The following GCLM variants were observed in gnomAD, a reference collection of about 807,000 sequenced individuals.
GCLM encodes glutamate--cysteine ligase regulatory subunit.
A neutral mutation model predicts 36.0 loss-of-function variants in GCLM; 15 were observed. The ratio of observed to expected loss-of-function variants is 0.42; its 90% CI spans 0.28 to 0.64. The LOEUF (loss-of-function observed/expected upper bound fraction) is 0.64. GCLM is among the 30% of genes least tolerant of loss of function. The pLI is 0.25. For synonymous variants in GCLM, 129 were observed against 122.8 expected (o/e 1.05, Z -0.34); for missense variants, 242 against 325.5 (o/e 0.74, Z 1.97).
At chr1:93,896,357 T>A (rs527366545) in intron 5 of GCLM, among the ~76,000 whole-genome samples, 4 of 152,314 alleles carry the variant, frequency 2.6e-5, no homozygotes, top group East Asian at 3.9e-4. Context: ...AACACACATC[T>A]TCTAGTATTT....
intron 3 of GCLM, 28 bp from the exon 4 acceptor site, chr1:93,897,926 T>G: frequency 7.5e-7 from 1 of 1,333,822 alleles, no homozygotes; most frequent in African/African-American, 1.5e-5. Flanking sequence ...CAAAACTGAT[T>G]ACTACATTTG....
At chr1:93,893,853 A>G (rs1366748010) in intron 6 of GCLM, among the ~76,000 whole-genome samples, 1 of 152,228 alleles carries the variant, frequency 6.6e-6, no homozygotes, top group Non-Finnish European at 1.5e-5. Context: ...AATATTTCTG[A>G]TTAACACTAA....
At chr1:93,893,869 T>C (rs935946258) in intron 6 of GCLM, among the ~76,000 whole-genome samples, 2 of 152,234 alleles carry the variant, frequency 1.3e-5, no homozygotes, top group Non-Finnish European at 2.9e-5. Context: ...ACTAAACGTC[T>C]TAATAAAATA....
rs1571198578 is a variant in GCLM, at chr1:93,894,472, A to G, written c.655+142T>C. 3 of 498,790 alleles carry G rather than the reference A, an allele frequency of 6.0e-6. No individual in the cohort carries two copies. In the East Asian group the frequency reaches 9.0e-5, roughly 15 times the overall value. The allele number at this position is 498,790 out of a possible 1,614,324, so 30.9% of individuals were successfully genotyped here. On this transcript the variant is annotated intron_variant, in intron 6 of 6. Transcript: ENST00000370238. ...TTCTGAAAATAAAATGAGGGCATAT[A>G]GGTTTTGAACTAACCATTAAGAATA...
intron 2 of GCLM, among the ~76,000 whole-genome samples, chr1:93,903,276 A>T (rs1448256208): frequency 6.6e-6 from 1 of 151,582 alleles, no homozygotes; most frequent in African/African-American, 2.4e-5. Context: ...TATAATCACA[A>T]GCATTTTATT....
intron 6 of GCLM, among the ~76,000 whole-genome samples, chr1:93,893,915 G>A (rs542364638): frequency 9.9e-5 from 15 of 152,226 alleles, no homozygotes; most frequent in African/African-American, 3.6e-4. Context: ...ATTAAGTTTT[G>A]AATTAAATTA....
At chr1:93,895,013 T>TACTACAC (rs11283634) in intron 5 of GCLM, among the ~76,000 whole-genome samples, 4,881 of 110,754 alleles carry the variant, frequency 0.044, 137 homozygotes, top group African/African-American at 0.15. Context: ...AGTACTACAC[T>TACTACAC]TTTTTTTTTT....
At chr1:93,902,746 A>T (rs1387324593) in intron 2 of GCLM, among the ~76,000 whole-genome samples, 4 of 152,198 alleles carry the variant, frequency 2.6e-5, no homozygotes, top group African/African-American at 9.7e-5. Flanking sequence ...ACCATATAAT[A>T]ACATGTATCC....
Position 93,896,781 on chromosome 1 carries a change from A to T in GCLM, c.377T>A (p.Ile126Asn), listed in dbSNP as rs1356520637. 1 of 1,610,554 alleles carries T rather than the reference A, an allele frequency of 6.2e-7. No homozygotes were observed. The highest frequency in any genetic ancestry group is 8.5e-7 in the Non-Finnish European group (1 of 1,176,658). Reference protein sequence around the residue: ...VLGVAQLDSVIIASPPIEDGV... With the variant: ...VLGVAQLDSVNIASPPIEDGV... ...ATCTTCAATAGGAGGTGAAGCAATGATCACAGAATCCAGCTGTGCAACTCC... is the reference window on the plus strand; with the variant it reads ...ATCTTCAATAGGAGGTGAAGCAATGTTCACAGAATCCAGCTGTGCAACTCC... The change falls in exon 5 of 7, where the codon ATC (isoleucine) becomes AAC (asparagine). Residue 126 changes from isoleucine (I) to asparagine (N), a missense_variant. Coordinates refer to ENST00000370238, the MANE Select transcript of GCLM (RefSeq NM_002061.4).
chr1:93,896,149 G>C (rs1450667655), intron 5 of GCLM, among the ~76,000 whole-genome samples: 2 of 151,688 alleles, frequency 1.3e-5, no homozygotes, highest in East Asian at 1.9e-4. Context: ...TTTTAGTAGA[G>C]ACAGGGTTTC....
At position 93,896,895 on chromosome 1, in the gene GCLM, T is replaced by C. The variant is rs566885005; in HGVS notation, c.338-75A>G. On this transcript the variant is annotated intron_variant, in intron 4 of 6. Transcript: ENST00000370238. ...AAATATTTCTAATGTTTTCAAAGTA[T>C]CCCACTGAATTCTGTCCATATTCTT... 105 of 819,690 alleles carry C rather than the reference T, an allele frequency of 1.3e-4. 1 individual carries two copies. In the South Asian group the frequency reaches 1.5e-3, roughly 12 times the overall value. 50.8% of individuals were successfully genotyped at this position (819,690 alleles called of 1,614,324 possible). A position where few individuals can be genotyped will look rare whatever the true frequency, so the allele number is the denominator to read the frequency against.
At chr1:93,896,928 T>TTTC (rs1228401756) in intron 4 of GCLM, 108 bp from the exon 5 acceptor site, 2 of 670,482 alleles carry the variant, frequency 3.0e-6, no homozygotes, top group African/African-American at 3.6e-5. Context: ...CTTCACTTGT[T>TTTC]TTCAAAATAA....
rs1273793164 is a variant in GCLM at position 93,885,932 on chromosome 1, T to G, written c.*3058A>C. 1.3e-5 allele frequency: 2 copies of G among 152,182 alleles called. No homozygotes were observed. Among genetic ancestry groups the G allele is most frequent in the Non-Finnish European group, 2.9e-5 (2 of 67,990 alleles). 9.4% of individuals were successfully genotyped at this position (152,182 alleles called of 1,614,324 possible). On this transcript the variant is annotated 3_prime_UTR_variant, in exon 7 of 7. Coordinates refer to ENST00000370238, the MANE Select transcript of GCLM (RefSeq NM_002061.4). ...GAAAGTCTGAACTATTCATGCAAAA[T>G]AGAATAATTTTTTATTTTCCATTTT...
intron 5 of GCLM, among the ~76,000 whole-genome samples, chr1:93,896,134 TTTA>T (rs1411707247): frequency 1.3e-5 from 2 of 151,920 alleles, no homozygotes; most frequent in Non-Finnish European, 2.9e-5. Flanking sequence ...GGCTAATTTT[TTTA>T]TTTTTAGTAG....
At chr1:93,901,512 G>A (rs997792432) in intron 3 of GCLM, 73 bp downstream of exon 3, 10 of 813,744 alleles carry the variant, frequency 1.2e-5, no homozygotes, top group African/African-American at 5.2e-5. Context: ...GCAAAGAAAG[G>A]CTTATTCTAA....
Position 93,886,956 on chromosome 1 carries a change from C to T in GCLM, c.*2034G>A, listed in dbSNP as rs573372199. On this transcript the variant is annotated 3_prime_UTR_variant, in exon 7 of 7. Transcript: ENST00000370238. The stretch of plus-strand genomic sequence containing the variant: ...AGGCATAAGTAGCTCAATATCTAAA[C>T]AAGTTTTCCCAGGCAAATCACATGA... The T allele has an allele frequency of 6.6e-6, 1 of 150,790 alleles. No homozygotes were observed. Among genetic ancestry groups the T allele is most frequent in the Admixed American group, 6.6e-5 (1 of 15,104 alleles). The allele number at this position is 150,790 out of a possible 1,614,324, so 9.3% of individuals were successfully genotyped here.
chr1:93,908,852 T>G (rs1557734832), intron 1 of GCLM, 186 bp downstream of exon 1: 2 of 406,568 alleles, frequency 4.9e-6, no homozygotes, highest in Non-Finnish European at 8.5e-6. Context: ...CGCGTTGCCC[T>G]CGGCAGCGGG....
At chr1:93,906,640 C>G (rs1165384578) in intron 1 of GCLM, among the ~76,000 whole-genome samples, 1 of 152,122 alleles carries the variant, frequency 6.6e-6, no homozygotes, top group Non-Finnish European at 1.5e-5. Context: ...TATCACAAGC[C>G]TAATTATTTT....
chr1:93,908,820 T>G (rs1657245791), intron 1 of GCLM: 1 of 362,878 alleles, frequency 2.8e-6, no homozygotes, highest in Admixed American at 4.8e-5. Context: ...AGTGCGCAGC[T>G]GCACCGGCTA....
Sources: allele counts gnomAD v4.1 joint callset (sites outside exome capture counted in the v4.1 genomes callset), GRCh38; gene constraint gnomAD v4.1.1; transcripts MANE v1.5; gene names NCBI Gene and HGNC (gene_info 2026-07-23, HGNC 2026-07-21).